AXDND1: variants seen among roughly 807,000 people sequenced by gnomAD.
The protein encoded by AXDND1 is axonemal dynein light chain domain-containing protein 1.
A neutral mutation model predicts 137.5 loss-of-function variants in AXDND1; 110 were observed. That is an observed-to-expected ratio of 0.80 (90% CI 0.69 to 0.94). AXDND1 has a LOEUF of 0.94. AXDND1 is among the 40% of genes least tolerant of loss of function. The probability of loss-of-function intolerance (pLI) is 0.00; values close to 1 mark genes in which losing one functional copy is unlikely to be tolerated. For synonymous variants in AXDND1, 414 were observed against 399.7 expected (o/e 1.04, Z -0.43); for missense variants, 1,191 against 1,169.8 (o/e 1.02, Z -0.26).
chr1:179,446,795 G>A (rs1023408141), intron 16 of AXDND1, among the ~76,000 whole-genome samples: 1 of 149,534 alleles, frequency 6.7e-6, no homozygotes, highest in Non-Finnish European at 1.5e-5. Context: ...TTTTTCTGTG[G>A]GTGGCTTTTC....
At chr1:179,550,381 G>A (rs953989201) in intron 25 of AXDND1, among the ~76,000 whole-genome samples, 5 of 151,952 alleles carry the variant, frequency 3.3e-5, no homozygotes, top group South Asian at 2.1e-4. Context: ...ATTACTGTTC[G>A]AAGAAATAAA....
At chr1:179,537,719 G>C (rs1158319088) in intron 25 of AXDND1, among the ~76,000 whole-genome samples, 1 of 152,128 alleles carries the variant, frequency 6.6e-6, no homozygotes, top group African/African-American at 2.4e-5. Flanking sequence ...AAATAAGTTA[G>C]GCAGGATTCC....
chr1:179,530,305 A>T (rs1348049899), intron 23 of AXDND1, among the ~76,000 whole-genome samples: 6 of 152,200 alleles, frequency 3.9e-5, no homozygotes, highest in African/African-American at 1.4e-4. Flanking sequence ...CTGGGATTAC[A>T]GGCGTGAGCC....
At chr1:179,479,766 G>A (rs922215181) in intron 17 of AXDND1, among the ~76,000 whole-genome samples, 1 of 151,226 alleles carries the variant, frequency 6.6e-6, no homozygotes, top group African/African-American at 2.4e-5. Context: ...GACGGAGTGA[G>A]ACTCCATCTC....
At chr1:179,438,277 G>A (rs2125339194) in intron 15 of AXDND1, among the ~76,000 whole-genome samples, 2 of 152,312 alleles carry the variant, frequency 1.3e-5, no homozygotes, top group East Asian at 3.9e-4. Context: ...ATTCTACGTT[G>A]GTGACACAAA....
In AXDND1 at chr1:179,501,667, G is replaced by A. The variant is rs140117636; in HGVS notation, c.2389-7629G>A. 4.9e-3 allele frequency among the ~76,000 whole-genome samples: 749 copies of A among 152,174 alleles called. 22 individuals carry two copies. The highest frequency in any genetic ancestry group is 0.045 in the Admixed American group (692 of 15,270). On this transcript the variant is annotated intron_variant, in intron 20 of 25. Coordinates refer to ENST00000367618, the MANE Select transcript of AXDND1 (RefSeq NM_144696.6). The stretch of plus-strand genomic sequence containing the variant: ...GCGGAGGTCACAGTGAGCCAATCAC[G>A]CCACTGCATTCCAGCCTGGGCGACA...
At chr1:179,519,408 A>G (rs1191979783) in intron 21 of AXDND1, among the ~76,000 whole-genome samples, 2 of 152,046 alleles carry the variant, frequency 1.3e-5, no homozygotes. Context: ...CCATTTGTCA[A>G]TTTTTGCTTC....
rs1329741448 is a variant in AXDND1, at chr1:179,438,530, A to G, written c.1563+6188A>G. Reference sequence around the variant, plus strand: ...CACAACAGAAGTTATTAGTGTGACCAAGGAAACAATAGCAAAAATTATCAT... The same window carrying G: ...CACAACAGAAGTTATTAGTGTGACCGAGGAAACAATAGCAAAAATTATCAT... On this transcript the variant is annotated intron_variant, in intron 15 of 25. Coordinates refer to ENST00000367618, the MANE Select transcript of AXDND1 (RefSeq NM_144696.6). Among the ~76,000 whole-genome samples the G allele has an allele frequency of 3.3e-5, 5 of 152,322 alleles. No individual in the cohort carries two copies. In the East Asian group the frequency reaches 7.7e-4, roughly 23 times the overall value.
At chr1:179,539,521 A>G (rs543072158) in intron 25 of AXDND1, among the ~76,000 whole-genome samples, 16 of 151,850 alleles carry the variant, frequency 1.1e-4, no homozygotes, top group Non-Finnish European at 1.5e-4. Flanking sequence ...ATTGGCCTCC[A>G]CTCTCTTCTG....
chr1:179,419,644 A>AGAGGGGGAGGGG (rs71111994), intron 12 of AXDND1, among the ~76,000 whole-genome samples: 1 of 73,010 alleles, frequency 1.4e-5, no homozygotes, highest in African/African-American at 5.3e-5. Context: ...AGGGAGAGGG[A>AGAGGGGGAGGGG]GAGGGGGAGG....
chr1:179,416,187 C>CT (rs1654683536), intron 12 of AXDND1, among the ~76,000 whole-genome samples: 1 of 152,162 alleles, frequency 6.6e-6, no homozygotes, highest in Non-Finnish European at 1.5e-5. Context: ...TACTTGCAAT[C>CT]TTTGTCTTTC....
chr1:179,371,426 TCAAAA>T (rs1321026648), intron 4 of AXDND1, among the ~76,000 whole-genome samples: 2 of 152,086 alleles, frequency 1.3e-5, no homozygotes, highest in African/African-American at 4.8e-5. Flanking sequence ...AGACTCCCTC[TCAAAA>T]CAAAACAAAA....
chr1:179,553,640 C>T (rs977013200), intron 25 of AXDND1, among the ~76,000 whole-genome samples: 19 of 152,166 alleles, frequency 1.2e-4, no homozygotes, highest in Non-Finnish European at 1.2e-4. Flanking sequence ...TACAGGCTTC[C>T]TTTCGGGATG....
At chr1:179,376,466 T>A (rs931679620) in intron 4 of AXDND1, among the ~76,000 whole-genome samples, 4 of 152,212 alleles carry the variant, frequency 2.6e-5, no homozygotes, top group Non-Finnish European at 5.9e-5. Flanking sequence ...CAAGGCTGTG[T>A]TGTTCAAGGG....
rs1033053932 is a variant in AXDND1 at position 179,445,131 on chromosome 1, G to C, written c.1725G>C (p.Gln575His). 4.3e-6 allele frequency: 7 copies of C among 1,612,842 alleles called. No individual in the cohort carries two copies. The highest frequency in any genetic ancestry group is 1.7e-4 in the Middle Eastern group (1 of 6,058). Reference protein sequence around the residue: ...SLEGEMPSERQYMEEIIKNIQ... With the variant: ...SLEGEMPSERHYMEEIIKNIQ... The stretch of plus-strand genomic sequence containing the variant: ...AGGGGGAGATGCCATCAGAGCGACA[G>C]TACATGGAGGAAATTATCAAAAACA... The change falls in exon 16 of 26, where the codon CAG (glutamine) becomes CAC (histidine). Residue 575 changes from glutamine to histidine, a missense_variant. Gln to His is a conservative substitution (Grantham distance 24). Coordinates refer to ENST00000367618, the MANE Select transcript of AXDND1 (RefSeq NM_144696.6).
intron 11 of AXDND1, among the ~76,000 whole-genome samples, chr1:179,396,745 A>G (rs1651140256): frequency 6.6e-6 from 1 of 152,166 alleles, no homozygotes; most frequent in South Asian, 2.1e-4. Flanking sequence ...TTTCTGCACT[A>G]TAATATTAAC....
At chr1:179,388,374 G>T (rs1308288847) in intron 9 of AXDND1, among the ~76,000 whole-genome samples, 2 of 152,090 alleles carry the variant, frequency 1.3e-5, no homozygotes, top group Admixed American at 1.3e-4. Flanking sequence ...ACTCATGTCT[G>T]TACTGCATTC....
intron 9 of AXDND1, 131 bp downstream of exon 9, chr1:179,385,490 T>A: frequency 9.6e-7 from 1 of 1,038,720 alleles, no homozygotes; most frequent in South Asian, 1.4e-5. Context: ...CTAACTGCAT[T>A]TTTTTTTCTT....
chr1:179,473,267 G>A (rs1006761043), intron 17 of AXDND1, among the ~76,000 whole-genome samples: 2 of 152,024 alleles, frequency 1.3e-5, no homozygotes, highest in South Asian at 4.2e-4. Context: ...AGGCCAAGAT[G>A]GGGGTGGATC....
Sources: gnomAD v4.1 joint callset for allele counts (sites outside exome capture counted in the v4.1 genomes callset) on GRCh38, gnomAD v4.1.1 for gene constraint, MANE v1.5 for transcripts, NCBI Gene and HGNC (gene_info 2026-07-23, HGNC 2026-07-21) for gene names.